The following GOSR2 variants were observed in gnomAD, a reference collection of about 807,000 sequenced individuals.
GOSR2 encodes the protein golgi SNAP receptor complex member 2.
A neutral mutation model predicts 27.9 loss-of-function variants in GOSR2; 20 were observed. The observed-to-expected ratio is 0.72, with a 90% CI of 0.50 to 1.04. The LOEUF (loss-of-function observed/expected upper bound fraction) is 1.04, where lower values mean the gene tolerates loss of function less well. GOSR2 is among the 50% of genes least tolerant of loss of function. The probability of loss-of-function intolerance (pLI) is 0.00; values close to 1 mark genes in which losing one functional copy is unlikely to be tolerated. For synonymous variants in GOSR2, 91 were observed against 98.8 expected, an observed-to-expected ratio of 0.92 and a Z score of 0.47; for missense variants, 261 against 270.5, an observed-to-expected ratio of 0.97 and a Z score of 0.25.
In GOSR2 at chr17:46,923,227, G is replaced by A; in HGVS notation, c.29+6G>A. 1 of 1,551,032 alleles carries A rather than the reference G, an allele frequency of 6.4e-7. No individual in the cohort carries two copies. Among genetic ancestry groups the A allele is most frequent in the African/African-American group, 1.4e-5 (1 of 73,184 alleles). On this transcript the variant is annotated splice_donor_region_variant and intron_variant, in intron 1 of 5. Transcript: ENST00000640051. ...CTGTTCCAGCAAACGCACAAGTGAG[G>A]GCCGGTCGGGGAGCGGGCAGGGGCT...
At chr17:46,936,049 C>A (rs1400921624) in intron 5 of GOSR2, 3 of 985,788 alleles carry the variant, frequency 3.0e-6, no homozygotes, top group South Asian at 4.7e-5. Flanking sequence ...CAGTCCCTGC[C>A]ATCTCTACGG....
chr17:46,934,047 C>T (rs1599008641), intron 4 of GOSR2, among the ~76,000 whole-genome samples: 2 of 152,168 alleles, frequency 1.3e-5, no homozygotes, highest in Admixed American at 6.5e-5. Context: ...GGACTTGGCT[C>T]CTGCCTATAG....
chr17:46,953,871 C>A (rs990531559), intron 6 of GOSR2, among the ~76,000 whole-genome samples: 6 of 152,156 alleles, frequency 3.9e-5, no homozygotes, highest in African/African-American at 1.4e-4. Context: ...CCTTCGCCCA[C>A]TTGTTGATGG....
intron 6 of GOSR2, among the ~76,000 whole-genome samples, chr17:46,953,499 A>C (rs563594668): frequency 1.1e-3 from 168 of 152,298 alleles, no homozygotes; most frequent in African/African-American, 3.9e-3. Context: ...ATAGTGCCGC[A>C]ATAAACATAC....
At position 46,935,744 on chromosome 17, in the gene GOSR2, A is replaced by C. The variant is rs545431342; in HGVS notation, c.477+575A>C. 3.6e-4 allele frequency: 357 copies of C among 987,856 alleles called. 1 individual carries two copies. The Middle Eastern group carries it at 5.2e-3, about 14-fold the overall frequency. 61.2% of individuals were successfully genotyped at this position (987,856 alleles called of 1,614,324 possible). A position where few individuals can be genotyped will look rare whatever the true frequency, so the allele number is the denominator to read the frequency against. On this transcript the variant is annotated intron_variant, in intron 5 of 5. Transcript: ENST00000640051. ...ACTCCCTAGCCTTAGGTATTCCTAG[A>C]AGCCCTGACCAGTTGGCACTGCTGA...
intron 6 of GOSR2, among the ~76,000 whole-genome samples, chr17:46,962,778 A>G (rs2091137982): frequency 6.6e-6 from 1 of 152,224 alleles, no homozygotes; most frequent in Non-Finnish European, 1.5e-5. Flanking sequence ...AGTTGAGCCC[A>G]GTTAACCTGC....
chr17:46,929,788 A>T, intron 2 of GOSR2: 1 of 560,948 alleles, frequency 1.8e-6, no homozygotes, highest in Non-Finnish European at 3.2e-6. Context: ...CTTATCCCCC[A>T]TTACCCCTCC....
At chr17:46,945,036 G>A (rs929555070), downstream of GOSR2, among the ~76,000 whole-genome samples, 4 of 152,242 alleles carry the variant, frequency 2.6e-5, no homozygotes, top group African/African-American at 9.6e-5. Flanking sequence ...AACCGAGGTT[G>A]AGAGGTGATA....
chr17:46,961,472 C>T (rs2091046488), intron 6 of GOSR2, among the ~76,000 whole-genome samples: 1 of 152,062 alleles, frequency 6.6e-6, no homozygotes, highest in Non-Finnish European at 1.5e-5. Flanking sequence ...GAGTTCGAGG[C>T]TGCAGTGAGC....
At chr17:46,954,113 G>A (rs1273565538) in intron 6 of GOSR2, among the ~76,000 whole-genome samples, 1 of 152,190 alleles carries the variant, frequency 6.6e-6, no homozygotes, top group Non-Finnish European at 1.5e-5. Flanking sequence ...CCTTGCCCAT[G>A]CCTATGTCCT....
intron 6 of GOSR2, among the ~76,000 whole-genome samples, chr17:46,955,259 A>C (rs2090632532): frequency 6.6e-6 from 1 of 151,692 alleles, no homozygotes; most frequent in African/African-American, 2.4e-5. Flanking sequence ...CCTTTTCTGC[A>C]TCTATTGAGA....
chr17:46,936,426 T>A, intron 5 of GOSR2: 1 of 985,398 alleles, frequency 1.0e-6, no homozygotes, highest in Non-Finnish European at 1.2e-6. Context: ...AGGGGAAGGC[T>A]GTGAGGTGGC....
exon 7 of GOSR2, chr17:46,966,822 T>C (rs1167715006): frequency 2.3e-6 from 1 of 429,120 alleles, no homozygotes; most frequent in Non-Finnish European, 4.1e-6. Flanking sequence ...ATCAGAATTA[T>C]GAAAAGTGCT....
At chr17:46,953,791 G>C (rs2090535545) in intron 6 of GOSR2, among the ~76,000 whole-genome samples, 1 of 152,226 alleles carries the variant, frequency 6.6e-6, no homozygotes, top group South Asian at 2.1e-4. Context: ...GATGGCCAGT[G>C]ATGATGAGCA....
At chr17:46,931,940 G>A in intron 3 of GOSR2, 127 bp from the exon 4 acceptor site, 1 of 808,804 alleles carries the variant, frequency 1.2e-6, no homozygotes, top group Admixed American at 1.7e-5. Flanking sequence ...TGTGGTGAGG[G>A]GGTATAGTGT....
At chr17:46,953,267 A>G (rs967861024) in intron 6 of GOSR2, among the ~76,000 whole-genome samples, 3 of 151,478 alleles carry the variant, frequency 2.0e-5, no homozygotes, top group African/African-American at 4.9e-5. Flanking sequence ...CTCATTGTTC[A>G]ATTCCCACCT....
chr17:46,936,293 A>G (rs974528388), intron 5 of GOSR2: 10 of 985,162 alleles, frequency 1.0e-5, no homozygotes, highest in Admixed American at 1.2e-4. Context: ...ACCAAACTCC[A>G]TGTCACACTG....
downstream of GOSR2, among the ~76,000 whole-genome samples, chr17:46,943,625 C>G (rs1034126284): frequency 6.6e-6 from 1 of 152,322 alleles, no homozygotes; most frequent in East Asian, 1.9e-4. Flanking sequence ...TAGGCGCAGG[C>G]GCCATCGGGT....
chr17:46,973,890 C>G (rs912274684), intron 6 of GOSR2, among the ~76,000 whole-genome samples: 2 of 152,186 alleles, frequency 1.3e-5, no homozygotes, highest in African/African-American at 2.4e-5. Flanking sequence ...GTACCCGCCA[C>G]CTCGCATGCT....
Sources: gnomAD v4.1 joint callset for allele counts (sites outside exome capture counted in the v4.1 genomes callset) on GRCh38, gnomAD v4.1.1 for gene constraint, MANE v1.5 for transcripts, NCBI Gene and HGNC (gene_info 2026-07-23, HGNC 2026-07-21) for gene names.